TSPAN5: variants seen among roughly 807,000 people sequenced by gnomAD.
TSPAN5 encodes tetraspanin-5.
Under a neutral mutation model 37.1 loss-of-function variants are expected in TSPAN5, and 10 were observed. The observed-to-expected ratio is 0.27, with a 90% CI of 0.17 to 0.46. The LOEUF (loss-of-function observed/expected upper bound fraction) is 0.46. Among genes scored for constraint, TSPAN5 ranks in the 20% least tolerant of loss-of-function variants. The probability of loss-of-function intolerance (pLI) is 1.00; values close to 1 mark genes in which losing one functional copy is unlikely to be tolerated. For synonymous variants in TSPAN5, 110 were observed against 118.9 expected, an observed-to-expected ratio of 0.93 and a Z score of 0.48; for missense variants, 195 against 326.6, an observed-to-expected ratio of 0.60 and a Z score of 3.11.
chr4:98,499,254 G>A (rs1169217888), intron 2 of TSPAN5, among the ~76,000 whole-genome samples: 7 of 152,368 alleles, frequency 4.6e-5, no homozygotes, highest in Admixed American at 3.9e-4. Flanking sequence ...GAGGCATCTG[G>A]GCAGGGCCAG....
intron 1 of TSPAN5, among the ~76,000 whole-genome samples, chr4:98,532,575 T>A (rs1471128521): frequency 6.6e-6 from 1 of 150,902 alleles, no homozygotes; most frequent in Non-Finnish European, 1.5e-5. Context: ...GCTTATCAAC[T>A]TAAGGAGATT....
chr4:98,571,378 G>C (rs545839082), intron 1 of TSPAN5, among the ~76,000 whole-genome samples: 18 of 152,024 alleles, frequency 1.2e-4, no homozygotes, highest in Non-Finnish European at 2.4e-4. Flanking sequence ...GTTACTGCAG[G>C]GGGGTGGCTG....
chr4:98,518,979 A>T (rs1262847009), intron 1 of TSPAN5, among the ~76,000 whole-genome samples: 2 of 152,240 alleles, frequency 1.3e-5, no homozygotes, highest in Non-Finnish European at 2.9e-5. Context: ...AAGTTATCAG[A>T]TTTGCATTTC....
intron 1 of TSPAN5, among the ~76,000 whole-genome samples, chr4:98,551,509 T>G (rs1482713368): frequency 9.1e-6 from 1 of 110,462 alleles, no homozygotes; most frequent in Non-Finnish European, 1.9e-5. Context: ...TTTTTTTTTT[T>G]GAGATGGAGT....
At chr4:98,605,670 G>A (rs1010943337) in intron 1 of TSPAN5, among the ~76,000 whole-genome samples, 11 of 152,042 alleles carry the variant, frequency 7.2e-5, no homozygotes, top group African/African-American at 2.4e-4. Context: ...TCAATCCCTC[G>A]GAATACTTCA....
At chr4:98,619,845 T>C (rs11941870) in intron 1 of TSPAN5, among the ~76,000 whole-genome samples, 87,345 of 151,984 alleles carry the variant, frequency 0.57, 26,485 homozygotes, top group African/African-American at 0.77. Context: ...TTTCAGATGG[T>C]GCACTCTCAC....
At chr4:98,651,748 AT>A (rs1186374480) in intron 1 of TSPAN5, among the ~76,000 whole-genome samples, 2 of 152,122 alleles carry the variant, frequency 1.3e-5, no homozygotes, top group African/African-American at 2.4e-5. Flanking sequence ...CCAAAAACAG[AT>A]CCATGCTTAG....
chr4:98,555,273 C>G (rs1754715679), intron 1 of TSPAN5, among the ~76,000 whole-genome samples: 1 of 152,196 alleles, frequency 6.6e-6, no homozygotes, highest in African/African-American at 2.4e-5. Context: ...TCATACCACT[C>G]TCTCCAGTCA....
chr4:98,609,624 T>C (rs1756132723), intron 1 of TSPAN5, among the ~76,000 whole-genome samples: 1 of 152,188 alleles, frequency 6.6e-6, no homozygotes, highest in South Asian at 2.1e-4. Flanking sequence ...GCAGGTCTAC[T>C]CTGAGCAAGC....
chr4:98,565,721 GCTGT>G (rs1272446665), intron 1 of TSPAN5, among the ~76,000 whole-genome samples: 9 of 152,276 alleles, frequency 5.9e-5, no homozygotes, highest in African/African-American at 2.2e-4. Flanking sequence ...CAGCTGAGAG[GCTGT>G]CTGAGAGTCA....
At chr4:98,648,097 TATC>T (rs527879033) in intron 1 of TSPAN5, among the ~76,000 whole-genome samples, 91 of 152,254 alleles carry the variant, frequency 6.0e-4, no homozygotes, top group Non-Finnish European at 1.2e-3. Flanking sequence ...CACTGGCAAA[TATC>T]ATGTCTGGGT....
chr4:98,642,742 GT>G (rs1756984849), intron 1 of TSPAN5, among the ~76,000 whole-genome samples: 1 of 152,008 alleles, frequency 6.6e-6, no homozygotes. Context: ...TCTTGATCCT[GT>G]ATAGGTCTAG....
At chr4:98,557,333 G>A (rs1754773643) in intron 1 of TSPAN5, among the ~76,000 whole-genome samples, 1 of 152,128 alleles carries the variant, frequency 6.6e-6, no homozygotes, top group Non-Finnish European at 1.5e-5. Context: ...AAAAGAGAGG[G>A]TAGCATCTGG....
intron 1 of TSPAN5, among the ~76,000 whole-genome samples, chr4:98,645,768 G>A (rs1431154142): frequency 6.6e-6 from 1 of 152,218 alleles, no homozygotes; most frequent in Admixed American, 6.5e-5. Flanking sequence ...TGAGGACCAT[G>A]AGGTTGATTA....
intron 1 of TSPAN5, among the ~76,000 whole-genome samples, chr4:98,521,798 A>G (rs1046415918): frequency 2.0e-5 from 3 of 152,136 alleles, no homozygotes; most frequent in Admixed American, 6.5e-5. Context: ...CTCTATGCCT[A>G]TATATCTGTG....
intron 1 of TSPAN5, among the ~76,000 whole-genome samples, chr4:98,614,585 A>G (rs570863107): frequency 1.3e-5 from 2 of 152,186 alleles, no homozygotes; most frequent in Non-Finnish European, 2.9e-5. Flanking sequence ...AGTTCCCAAT[A>G]ACATTAAAAA....
intron 1 of TSPAN5, among the ~76,000 whole-genome samples, chr4:98,631,857 A>C (rs796622152): frequency 1.2e-4 from 19 of 152,278 alleles, no homozygotes; most frequent in African/African-American, 4.1e-4. Flanking sequence ...ACTCGGCCAT[A>C]ATAGGCCTTA....
chr4:98,576,624 G>A (rs180802116), intron 1 of TSPAN5, among the ~76,000 whole-genome samples: 3 of 152,122 alleles, frequency 2.0e-5, no homozygotes, highest in African/African-American at 7.2e-5. Context: ...ACTGAGGATG[G>A]AGGGTCACTT....
chr4:98,651,579 A>G (rs1345607722), intron 1 of TSPAN5, among the ~76,000 whole-genome samples: 1 of 152,200 alleles, frequency 6.6e-6, no homozygotes, highest in Admixed American at 6.5e-5. Flanking sequence ...TTTGTCTCAA[A>G]CAGGATAAAA....
Sources: allele counts gnomAD v4.1 joint callset (sites outside exome capture counted in the v4.1 genomes callset), GRCh38; gene constraint gnomAD v4.1.1; transcripts MANE v1.5; gene names NCBI Gene and HGNC (gene_info 2026-07-23, HGNC 2026-07-21).